FGF14: variants seen among roughly 807,000 people sequenced by gnomAD.
FGF14 encodes fibroblast growth factor homologous factor 4.
In FGF14, 5 loss-of-function variants were observed where a neutral mutation model predicts 25.5. That is an observed-to-expected ratio of 0.20 (90% CI 0.10 to 0.41). The LOEUF is 0.41. Among genes scored for constraint, FGF14 ranks in the 10% least tolerant of loss-of-function variants. The pLI is 1.00. For missense variants in FGF14, 222 were observed against 320.1 expected (o/e 0.69, Z 2.34); for synonymous variants, 138 against 118.3 (o/e 1.17, Z -1.08).
At chr13:101,867,889 G>GACACACACACACAC (rs370683665) in intron 3 of FGF14, among the ~76,000 whole-genome samples, 13 of 140,588 alleles carry the variant, frequency 9.2e-5, no homozygotes, top group South Asian at 4.8e-4. Context: ...TTCTGTTTAA[G>GACACACACACACAC]ACACACACAC....
Position 102,131,703 on chromosome 13 carries a change from ATTTG to A in FGF14, c.209-256411_209-256408del, listed in dbSNP as rs147203164. Among the ~76,000 whole-genome samples the A allele has an allele frequency of 4.4e-3, 668 of 152,228 alleles. 4 individuals are homozygous for A. Among genetic ancestry groups the A allele is most frequent in the African/African-American group, 0.015 (614 of 41,544 alleles). ...TTAATGCCACGGAGATTGCTACCTA[ATTTG>A]TTTATGTTTTCTTTTTAATCTTCTA... On this transcript the variant is annotated intron_variant, in intron 1 of 4. Transcript: ENST00000376131.
intron 1 of FGF14, among the ~76,000 whole-genome samples, chr13:101,990,825 A>G (rs1462764396): frequency 6.6e-6 from 1 of 152,152 alleles, no homozygotes; most frequent in Non-Finnish European, 1.5e-5. Flanking sequence ...GATCTCAATT[A>G]TGTTATTCCT....
At chr13:102,113,648 G>A (rs985562543) in intron 1 of FGF14, among the ~76,000 whole-genome samples, 1 of 152,130 alleles carries the variant, frequency 6.6e-6, no homozygotes, top group Non-Finnish European at 1.5e-5. Context: ...TCTCTTTACA[G>A]TATTTGTTAC....
intron 1 of FGF14, among the ~76,000 whole-genome samples, chr13:102,356,607 C>T (rs995366148): frequency 5.3e-5 from 8 of 152,174 alleles, no homozygotes; most frequent in African/African-American, 1.9e-4. Context: ...CAGGAATGCA[C>T]CAATGCCTGA....
intron 1 of FGF14, among the ~76,000 whole-genome samples, chr13:102,015,010 C>T (rs2040265066): frequency 6.6e-6 from 1 of 152,272 alleles, no homozygotes; most frequent in Non-Finnish European, 1.5e-5. Context: ...TGAGTTCAAG[C>T]GGTTCTCCTA....
chr13:101,779,260 G>T (rs2039339965), intron 3 of FGF14, among the ~76,000 whole-genome samples: 1 of 152,144 alleles, frequency 6.6e-6, no homozygotes, highest in South Asian at 2.1e-4. Flanking sequence ...TGATATTAAA[G>T]AATCATTTGA....
At chr13:102,275,952 AAAAC>A (rs973355321) in intron 1 of FGF14, among the ~76,000 whole-genome samples, 3 of 152,258 alleles carry the variant, frequency 2.0e-5, no homozygotes, top group African/African-American at 4.8e-5. Flanking sequence ...GAACAGTAAA[AAAAC>A]AAACAAAACA....
At chr13:101,732,824 A>C (rs2035900419) in intron 3 of FGF14, among the ~76,000 whole-genome samples, 2 of 152,190 alleles carry the variant, frequency 1.3e-5, no homozygotes, top group Non-Finnish European at 2.9e-5. Flanking sequence ...TTAATTACAC[A>C]TACCTTTAGA....
rs182281791 is a variant in FGF14 at position 102,061,006 on chromosome 13, T to C, written c.209-185710A>G. On this transcript the variant is annotated intron_variant, in intron 1 of 4. Coordinates refer to the FGF14 transcript ENST00000376131. ...ATGCGGACGCCTAGGGGAGTTCGGC[T>C]AAGGGCCATGGGAGGAGAGCCCGGC... Among the ~76,000 whole-genome samples, 7 of 152,286 alleles carry C rather than the reference T, an allele frequency of 4.6e-5. No homozygotes were observed. In the East Asian group the frequency reaches 1.4e-3, roughly 29 times the overall value.
chr13:102,133,656 T>C (rs567680558), intron 1 of FGF14, among the ~76,000 whole-genome samples: 8 of 152,362 alleles, frequency 5.3e-5, no homozygotes, highest in African/African-American at 1.9e-4. Flanking sequence ...CCCAACATTT[T>C]AGATCAATTG....
chr13:101,859,271 A>G (rs1305013300), intron 3 of FGF14, among the ~76,000 whole-genome samples: 2 of 152,170 alleles, frequency 1.3e-5, no homozygotes, highest in Admixed American at 6.6e-5. Context: ...AGCTGTCACT[A>G]CTTGAGGAAA....
chr13:102,121,695 T>G (rs2045735289), intron 1 of FGF14, among the ~76,000 whole-genome samples: 2 of 152,242 alleles, frequency 1.3e-5, no homozygotes, highest in African/African-American at 4.8e-5. Flanking sequence ...CATACCCAAA[T>G]GCTTCCGTAA....
intron 1 of FGF14, among the ~76,000 whole-genome samples, chr13:101,895,257 A>G (rs2030461711): frequency 1.3e-5 from 2 of 152,118 alleles, no homozygotes; most frequent in South Asian, 4.1e-4. Context: ...ATTAAGTAAC[A>G]TTTTTAAAGA....
intron 1 of FGF14, among the ~76,000 whole-genome samples, chr13:102,257,318 A>G (rs1488403653): frequency 1.1e-5 from 1 of 92,258 alleles, no homozygotes; most frequent in African/African-American, 4.2e-5. Flanking sequence ...TCCTTTTTGC[A>G]TGCATGTCCA....
At chr13:101,938,717 T>C (rs2035260093) in intron 1 of FGF14, among the ~76,000 whole-genome samples, 1 of 152,210 alleles carries the variant, frequency 6.6e-6, no homozygotes, top group South Asian at 2.1e-4. Flanking sequence ...GGTGTATGTC[T>C]CTCCCTCACC....
At chr13:102,323,785 T>C (rs2056325661) in intron 1 of FGF14, among the ~76,000 whole-genome samples, 1 of 152,148 alleles carries the variant, frequency 6.6e-6, no homozygotes, top group African/African-American at 2.4e-5. Flanking sequence ...CTCATACTCA[T>C]AGGAGATTTG....
intron 1 of FGF14, among the ~76,000 whole-genome samples, chr13:102,362,372 C>T (rs1423890655): frequency 3.3e-5 from 5 of 152,098 alleles, no homozygotes; most frequent in Non-Finnish European, 7.4e-5. Context: ...ATGTTATCTC[C>T]TCTATGGACT....
intron 2 of FGF14, among the ~76,000 whole-genome samples, chr13:101,869,151 C>A (rs2044898360): frequency 6.6e-6 from 1 of 152,170 alleles, no homozygotes; most frequent in Non-Finnish European, 1.5e-5. Context: ...AAGAAATCAA[C>A]TGTGAAGTCT....
At chr13:101,779,470 G>A (rs1369257112) in intron 3 of FGF14, among the ~76,000 whole-genome samples, 3 of 152,114 alleles carry the variant, frequency 2.0e-5, no homozygotes, top group East Asian at 1.9e-4. Context: ...ATATTTCAGC[G>A]ACTAAGGCAC....
Sources: allele counts gnomAD v4.1 joint callset (sites outside exome capture counted in the v4.1 genomes callset), GRCh38; gene constraint gnomAD v4.1.1; transcripts MANE v1.5; gene names NCBI Gene and HGNC (gene_info 2026-07-23, HGNC 2026-07-21).